ATM: variants seen among roughly 807,000 people sequenced by gnomAD.
ATM encodes serine-protein kinase ATM.
Under a neutral mutation model 387.0 loss-of-function variants are expected in ATM, and 308 were observed. The observed-to-expected ratio is 0.80, with a 90% CI of 0.73 to 0.87. The LOEUF (loss-of-function observed/expected upper bound fraction) is 0.87, where lower values mean the gene tolerates loss of function less well. Ranked by LOEUF, ATM falls within the 40% of genes least tolerant of loss-of-function variation. The pLI, the probability that ATM is intolerant of heterozygous loss-of-function variation, is 0.00. For synonymous variants in ATM, 1,156 were observed against 1,187.3 expected (o/e 0.97, Z 0.54); for missense variants, 3,312 against 3,560.9 (o/e 0.93, Z 1.78).
At chr11:108,308,928 G>A (rs1397438343) in intron 38 of ATM, 4 of 1,165,364 alleles carry the variant, frequency 3.4e-6, no homozygotes, top group Non-Finnish European at 3.7e-6. Context: ...TTGTTTTCTT[G>A]GTGTTGGGAG....
intron 43 of ATM, among the ~76,000 whole-genome samples, chr11:108,318,319 A>G (rs1221359280): frequency 2.6e-5 from 4 of 151,912 alleles, no homozygotes. Flanking sequence ...CTGAGATAGC[A>G]CCACTGCACT....
intron 11 of ATM, 138 bp downstream of exon 11, chr11:108,252,169 A>C: frequency 1.3e-6 from 1 of 789,744 alleles, no homozygotes; most frequent in Non-Finnish European, 2.0e-6. Context: ...ATTAAATATT[A>C]TGTTTGTTTT....
chr11:108,317,615 TTATATATA>T lies in ATM; in HGVS notation c.6347+125_6347+132del, dbSNP rs376158749. ...TTCTATGAATATAACAGGAGTTGTT[TTATATATA>T]TATATATATATATATATATATATAT... On this transcript the variant is annotated intron_variant, in intron 43 of 62. Coordinates refer to ENST00000675843, the MANE Select transcript of ATM (RefSeq NM_000051.4). 0.042 allele frequency: 9,093 copies of T among 214,748 alleles called. 344 individuals are homozygous for T. The highest frequency in any genetic ancestry group is 0.082 in the African/African-American group (1,769 of 21,700). The allele number at this position is 214,748 out of a possible 1,614,324, so 13.3% of individuals were successfully genotyped here.
At chr11:108,318,370 TAAATA>T (rs2084931316) in intron 43 of ATM, among the ~76,000 whole-genome samples, 1 of 145,384 alleles carries the variant, frequency 6.9e-6, no homozygotes, top group Non-Finnish European at 1.5e-5. Context: ...TCTAAAAAAA[TAAATA>T]AAATAAAAAA....
Position 108,247,001 on chromosome 11 carries a change from C to A in ATM, c.939C>A (p.Tyr313Ter), listed in dbSNP as rs1387179773. 6.2e-7 allele frequency: 1 copy of A among 1,612,674 alleles called. No individual in the cohort carries two copies. The highest frequency in any genetic ancestry group is 1.1e-5 in the South Asian group (1 of 91,012). Residue 313 changes from tyrosine (Y) to a stop codon, truncating the protein, a stop_gained, in exon 8 of 63, where the codon TAC (tyrosine) becomes TAA (stop). Transcript: ENST00000675843. LOFTEE classifies it high-confidence loss of function. The part of the protein sequence containing the change: ...YESTKWRSIL[Y>*]NLYDLLVNEI... ...CAACAAAATGGAGAAGTATTTTATA[C>A]AACTTATATGATCTGCTAGTGAATG... is the stretch of plus-strand genomic sequence containing the variant.
At chr11:108,249,203 G>C in intron 9 of ATM, 101 bp downstream of exon 9, 1 of 1,356,090 alleles carries the variant, frequency 7.4e-7, no homozygotes. Context: ...CCAGAACTAA[G>C]TCATTTGTCT....
chr11:108,306,113 T>G (rs1448611716), intron 37 of ATM, among the ~76,000 whole-genome samples: 3 of 152,236 alleles, frequency 2.0e-5, no homozygotes, highest in Non-Finnish European at 4.4e-5. Context: ...ATGACTCTAA[T>G]GTCATTTAGA....
chr11:108,308,114 A>G (rs1013611869), intron 38 of ATM, 130 bp downstream of exon 38: 5 of 897,680 alleles, frequency 5.6e-6, no homozygotes, highest in African/African-American at 3.3e-5. Flanking sequence ...TGTGATATTT[A>G]TATCTCCTTG....
At position 108,229,231 on chromosome 11, in the gene ATM, C is replaced by T. The variant is rs876659996; in HGVS notation, c.239C>T (p.Pro80Leu). ...ACAGAATGTCTGAGAATAGCAAAAC[C>T]AAATGTATCAGCCTCAACACAAGCC... ...KETECLRIAK[P>L]NVSASTQASR... The change falls in exon 4 of 63, where the codon CCA becomes CTA. Residue 80 changes from proline (P) to leucine (L), a missense_variant. This residue lies in a region of ATM where 1,791 missense variants were observed against 1,804.5 expected (regional missense o/e 0.99). Transcript: ENST00000675843. 1 of 1,613,332 alleles carries T rather than the reference C, an allele frequency of 6.2e-7. No individual in the cohort carries two copies. The highest frequency in any genetic ancestry group is 8.5e-7 in the Non-Finnish European group (1 of 1,179,642).
chr11:108,340,130 C>T (rs1048665332), intron 56 of ATM: 2 of 151,810 alleles, frequency 1.3e-5, no homozygotes, highest in African/African-American at 4.8e-5. Flanking sequence ...CACTTGGTTG[C>T]TCAGACTGAA....
chr11:108,237,825 T>G (rs1166810378), intron 5 of ATM, among the ~76,000 whole-genome samples: 1 of 151,864 alleles, frequency 6.6e-6, no homozygotes, highest in Non-Finnish European at 1.5e-5. Flanking sequence ...GTTGCACAAT[T>G]TGAGAAGAAT....
rs149910859 is a variant in ATM, at chr11:108,269,462, C to G, written c.2838+853C>G. 2.1e-3 allele frequency among the ~76,000 whole-genome samples: 316 copies of G among 152,294 alleles called. 2 individuals are homozygous for G. Among genetic ancestry groups the G allele is most frequent in the Middle Eastern group, 3.4e-3 (1 of 294 alleles). ...TCTTCAAATCCAAGCCAACATCACA[C>G]AGTTTATCTTTTTTTCTGTCCAAAT... On this transcript the variant is annotated intron_variant, in intron 18 of 62. Coordinates refer to ENST00000675843, the MANE Select transcript of ATM (RefSeq NM_000051.4).
chr11:108,318,642 T>C (rs767072125), intron 43 of ATM, among the ~76,000 whole-genome samples: 10 of 151,802 alleles, frequency 6.6e-5, no homozygotes, highest in East Asian at 1.9e-4. Flanking sequence ...TGAGCCAAGA[T>C]TGCACCACTG....
chr11:108,229,340 A>G lies in ATM; in HGVS notation c.331+17A>G, dbSNP rs756843866. On this transcript the variant is annotated intron_variant, in intron 4 of 62. Transcript: ENST00000675843. ...CAAACAGAAGTAAGTGATGTTATAA[A>G]TTATAAATAAATGGCTTAACAGATT... 2 of 1,605,880 alleles carry G rather than the reference A, an allele frequency of 1.2e-6. No individual in the cohort carries two copies. Among genetic ancestry groups the G allele is most frequent in the African/African-American group, 1.3e-5 (1 of 74,486 alleles).
rs143336321 is a variant in ATM, at chr11:108,347,589, C to A, written c.8671+224C>A. On this transcript the variant is annotated intron_variant, in intron 59 of 62. Coordinates refer to ENST00000675843, the MANE Select transcript of ATM (RefSeq NM_000051.4). ...AGATGAGGTGTCTTTTGAGCCTGGT[C>A]TTCAAGAAAGAAAGAAAGCATAATT... Among the ~76,000 whole-genome samples the A allele has an allele frequency of 3.4e-3, 524 of 152,164 alleles. 2 individuals carry two copies. Among genetic ancestry groups the A allele is most frequent in the African/African-American group, 0.012 (499 of 41,530 alleles).
At position 108,310,815 on chromosome 11, in the gene ATM, T is replaced by G. The variant is rs184838931; in HGVS notation, c.5918+500T>G. 7.5e-4 allele frequency among the ~76,000 whole-genome samples: 115 copies of G among 152,318 alleles called. No individual in the cohort carries two copies. The highest frequency in any genetic ancestry group is 2.5e-3 in the African/African-American group (104 of 41,566). The stretch of plus-strand genomic sequence containing the variant: ...TTTCATTTCTTTATCTACCTATATT[T>G]CTAGTGAATTTAATTCGCTTTCCTC... On this transcript the variant is annotated intron_variant, in intron 39 of 62. Transcript: ENST00000675843.
intron 25 of ATM, 108 bp downstream of exon 25, chr11:108,282,987 T>G: frequency 1.4e-6 from 1 of 697,080 alleles, no homozygotes; most frequent in East Asian, 2.8e-5. Flanking sequence ...TACACATGTG[T>G]GTGTGGGAGC....
At chr11:108,338,161 C>A (rs1038342050) in intron 56 of ATM, among the ~76,000 whole-genome samples, 4 of 152,176 alleles carry the variant, frequency 2.6e-5, no homozygotes, top group African/African-American at 9.7e-5. Flanking sequence ...CCAGCCTGGC[C>A]AACATGGCCA....
chr11:108,228,182 G>A (rs1359847122), intron 3 of ATM, among the ~76,000 whole-genome samples: 2 of 152,072 alleles, frequency 1.3e-5, no homozygotes, highest in Non-Finnish European at 2.9e-5. Context: ...CTTCAGATTA[G>A]AGGAAAAAAT....
Sources: gnomAD v4.1 joint callset for allele counts (sites outside exome capture counted in the v4.1 genomes callset) on GRCh38, gnomAD v4.1.1 for gene constraint, gnomAD v4.1.1 regional missense constraint, MANE v1.5 for transcripts, NCBI Gene and HGNC (gene_info 2026-07-23, HGNC 2026-07-21) for gene names.